The following ZNF600 variants were observed in gnomAD, a reference collection of about 807,000 sequenced individuals.
ZNF600 encodes zinc finger protein KR-ZNF1.
In ZNF600, 4 loss-of-function variants were observed where a neutral mutation model predicts 7.3. That is an observed-to-expected ratio of 0.55 (90% CI 0.27 to 1.25). ZNF600 has a LOEUF of 1.25. Ranked by LOEUF, ZNF600 falls within the 50% of genes most tolerant of loss-of-function variation. The pLI, the probability that ZNF600 is intolerant of heterozygous loss-of-function variation, is 0.12. For synonymous variants in ZNF600, 290 were observed against 308.9 expected (o/e 0.94, Z 0.64); for missense variants, 911 against 922.1 (o/e 0.99, Z 0.16).
At chr19:52,782,455 G>A (rs1211645590) in intron 1 of ZNF600, among the ~76,000 whole-genome samples, 1 of 149,968 alleles carries the variant, frequency 6.7e-6, no homozygotes, top group African/African-American at 2.4e-5. Flanking sequence ...CCCCAGAGGC[G>A]AAGTTTGTGA....
chr19:52,795,447 A>AATATAT, the ZNF600 span, among the ~76,000 whole-genome samples: 3 of 90,366 alleles, frequency 3.3e-5, no homozygotes, highest in Non-Finnish European at 8.5e-5. Flanking sequence ...TGGTTAAAAA[A>AATATAT]ATATATATAT....
exon 4 of ZNF600, chr19:52,765,066 A>T (rs570061854): frequency 5.8e-6 from 2 of 342,480 alleles, no homozygotes; most frequent in South Asian, 5.0e-5. Context: ...CTTGAATGTC[A>T]ATTAAGGGTT....
Position 52,766,617 on chromosome 19 carries a change from T to G in ZNF600, c.1346A>C (p.His449Pro), listed in dbSNP as rs368689819. ...ACATTTGTAAGATTTCTCTCCACCA[T>G]GAAGTCTATGATGGCATACAAGGGA... The change falls in exon 4 of 4, where the codon CAT becomes CCT. Residue 449 changes from histidine (H) to proline (P), a missense_variant. His to Pro is a moderately conservative substitution (Grantham distance 77). Coordinates refer to ENST00000648973, the Ensembl canonical transcript of ZNF600. The G allele has an allele frequency of 7.4e-6, 12 of 1,614,046 alleles. No homozygotes were observed. The East Asian group carries it at 2.2e-4, about 30-fold the overall frequency.
chr19:52,808,195 G>T, the ZNF600 span: 1 of 1,595,834 alleles, frequency 6.3e-7, no homozygotes, highest in Non-Finnish European at 8.5e-7. Flanking sequence ...TACAGAAAAT[G>T]ACAAGAGAGG....
chr19:52,813,249 GAAAAAAAAAA>G, the ZNF600 span, among the ~76,000 whole-genome samples: 3 of 62,984 alleles, frequency 4.8e-5, 1 homozygote, highest in Non-Finnish European at 8.3e-5. Context: ...CTTGAATGGT[GAAAAAAAAAA>G]AAAAAAAAAA....
chr19:52,817,801 G>A, the ZNF600 span: 18 of 1,535,578 alleles, frequency 1.2e-5, no homozygotes, highest in Non-Finnish European at 1.4e-5. Flanking sequence ...TAAGCGAGAT[G>A]AGATGAACTG....
At chr19:52,800,986 A>G in the ZNF600 span, 1 of 1,614,100 alleles carries the variant, frequency 6.2e-7, no homozygotes, top group Non-Finnish European at 8.5e-7. Context: ...TTGTGAAGGA[A>G]GAGGGATGTA....
chr19:52,822,233 G>T, the ZNF600 span, among the ~76,000 whole-genome samples: 17 of 151,610 alleles, frequency 1.1e-4, no homozygotes, highest in African/African-American at 3.6e-4. Context: ...CACCATGCCC[G>T]GTTAATTTTT....
the ZNF600 span, among the ~76,000 whole-genome samples, chr19:52,825,135 C>T: frequency 7.9e-5 from 12 of 152,052 alleles, no homozygotes; most frequent in East Asian, 1.9e-4. Flanking sequence ...GGAAATGCCA[C>T]GTCCTAGAAG....
the ZNF600 span, chr19:52,801,671 G>T: frequency 6.2e-7 from 1 of 1,611,330 alleles, no homozygotes; most frequent in South Asian, 1.1e-5. Context: ...CTGTTGAGAA[G>T]AATGTCTTCA....
the ZNF600 span, among the ~76,000 whole-genome samples, chr19:52,820,732 C>T: frequency 2.0e-5 from 3 of 152,198 alleles, no homozygotes; most frequent in Admixed American, 6.5e-5. Flanking sequence ...TCTCTCTGTA[C>T]ATCTAGCTTT....
the ZNF600 span, chr19:52,800,129 A>C: frequency 1.9e-6 from 3 of 1,614,040 alleles, no homozygotes; most frequent in Non-Finnish European, 2.5e-6. Context: ...CTCCAGTATG[A>C]ATCCTCCTAT....
the ZNF600 span, chr19:52,818,085 G>A: frequency 1.4e-6 from 2 of 1,479,648 alleles, no homozygotes; most frequent in African/African-American, 1.4e-5. Flanking sequence ...TCCCCTCCCT[G>A]TAACACAACA....
chr19:52,773,295 G>C (rs929687200), intron 3 of ZNF600, among the ~76,000 whole-genome samples: 8 of 152,112 alleles, frequency 5.3e-5, no homozygotes, highest in African/African-American at 1.9e-4. Flanking sequence ...TTGACCCAAG[G>C]TTAAATATTC....
chr19:52,821,389 C>T, the ZNF600 span, among the ~76,000 whole-genome samples: 65 of 152,184 alleles, frequency 4.3e-4, no homozygotes, highest in African/African-American at 1.4e-3. Context: ...CAGAAAGACC[C>T]GGGACGGGAC....
chr19:52,793,767 CACACACA>C, the ZNF600 span, among the ~76,000 whole-genome samples: 3 of 1,970 alleles, frequency 1.5e-3, no homozygotes, highest in Non-Finnish European at 3.2e-3. Flanking sequence ...AACTCTGCCA[CACACACA>C]CACACACACA....
the ZNF600 span, among the ~76,000 whole-genome samples, chr19:52,795,833 T>TG: frequency 7.9e-5 from 12 of 151,112 alleles, 1 homozygote; most frequent in South Asian, 2.1e-3. Context: ...CCCAAAGTGC[T>TG]GGGATTACAG....
At chr19:52,799,470 C>A in the ZNF600 span, 1 of 882,366 alleles carries the variant, frequency 1.1e-6, no homozygotes, top group Non-Finnish European at 1.8e-6. Flanking sequence ...TCTATGATGA[C>A]GTGCAAGGGT....
At chr19:52,798,298 C>A in the ZNF600 span, 3 of 271,688 alleles carry the variant, frequency 1.1e-5, no homozygotes, top group South Asian at 1.1e-4. Context: ...CAGTGCCCAG[C>A]CCAGTCCTCT....
Sources: gnomAD v4.1 joint callset for allele counts (sites outside exome capture counted in the v4.1 genomes callset) on GRCh38, gnomAD v4.1.1 for gene constraint, MANE v1.5 for transcripts, NCBI Gene and HGNC (gene_info 2026-07-23, HGNC 2026-07-21) for gene names.